Variants in LEMD3 observed in about 807,000 individuals in gnomAD.
LEMD3 encodes inner nuclear membrane protein Man1.
A neutral mutation model predicts 95.2 loss-of-function variants in LEMD3; 33 were observed. That is an observed-to-expected ratio of 0.35 (90% CI 0.26 to 0.46). LEMD3 has a LOEUF of 0.46. LEMD3 is among the 20% of genes least tolerant of loss of function. LEMD3 has a pLI of 1.00. For missense variants in LEMD3, 1,210 were observed against 1,192.8 expected (o/e 1.01, Z -0.21); for synonymous variants, 525 against 474.6 (o/e 1.11, Z -1.38).
chr12:65,171,568 CTG>C (rs1868551844), intron 1 of LEMD3: 2 of 196,934 alleles, frequency 1.0e-5, no homozygotes, highest in African/African-American at 2.3e-5. Flanking sequence ...ATAATATTAA[CTG>C]TATGCATAAA....
intron 4 of LEMD3, among the ~76,000 whole-genome samples, chr12:65,220,840 G>A (rs1870262886): frequency 6.6e-6 from 1 of 152,132 alleles, no homozygotes. Context: ...TTTCTCCATT[G>A]TGTAGTCTGG....
At chr12:65,193,009 G>GT (rs1266827491) in intron 1 of LEMD3, among the ~76,000 whole-genome samples, 10 of 152,054 alleles carry the variant, frequency 6.6e-5, no homozygotes, top group South Asian at 2.1e-4. Flanking sequence ...TTAAATACAT[G>GT]TTTTTTTTGT....
intron 4 of LEMD3, among the ~76,000 whole-genome samples, chr12:65,221,222 C>T (rs1174275352): frequency 2.7e-5 from 4 of 149,088 alleles, no homozygotes; most frequent in Non-Finnish European, 3.0e-5. Flanking sequence ...AAGTCTTTCA[C>T]CTCCCTGGTT....
chr12:65,185,596 A>G (rs1270389897), intron 1 of LEMD3, among the ~76,000 whole-genome samples: 1 of 151,866 alleles, frequency 6.6e-6, no homozygotes, highest in African/African-American at 2.4e-5. Flanking sequence ...GAATCTGAAT[A>G]TCTTGATATA....
At chr12:65,244,974 C>G (rs1407825380) in intron 10 of LEMD3, among the ~76,000 whole-genome samples, 2 of 151,786 alleles carry the variant, frequency 1.3e-5, no homozygotes, top group Admixed American at 6.6e-5. Flanking sequence ...TTAACTTTTA[C>G]AACTTTAATA....
intron 3 of LEMD3, 79 bp downstream of exon 3, chr12:65,216,122 C>A: frequency 1.1e-6 from 1 of 910,958 alleles, no homozygotes; most frequent in Non-Finnish European, 1.8e-6. Context: ...AAATATTTTT[C>A]CAAGTCCAGT....
intron 1 of LEMD3, among the ~76,000 whole-genome samples, chr12:65,176,451 A>G (rs1868722799): frequency 6.6e-6 from 1 of 152,204 alleles, no homozygotes; most frequent in Non-Finnish European, 1.5e-5. Flanking sequence ...ATCTCCAGAT[A>G]TCTCTGACTC....
intron 4 of LEMD3, among the ~76,000 whole-genome samples, chr12:65,232,859 CAATG>C (rs1162388004): frequency 6.6e-6 from 1 of 152,020 alleles, no homozygotes; most frequent in Non-Finnish European, 1.5e-5. Context: ...ACCTTTAACA[CAATG>C]AATATGTTTA....
In LEMD3 at chr12:65,213,509, G is replaced by A. The variant is rs1252180493; in HGVS notation, c.1561-2468G>A. ...CCCAAACTTGGGATTTCAGGTGTGA[G>A]CCACCGCACCCGGCCTTAAATAAAT... On this transcript the variant is annotated intron_variant, in intron 2 of 12. Transcript: ENST00000308330. 2.6e-5 allele frequency among the ~76,000 whole-genome samples: 4 copies of A among 152,272 alleles called. No individual in the cohort carries two copies. The South Asian group carries it at 6.2e-4, about 24-fold the overall frequency.
intron 1 of LEMD3, among the ~76,000 whole-genome samples, chr12:65,194,891 T>TAATTTAGAGTATAATTTA (rs1869379574): frequency 1.4e-5 from 1 of 72,470 alleles, no homozygotes; most frequent in African/African-American, 3.0e-5. Flanking sequence ...ATTTATAAAA[T>TAATTTAGAGTATAATTTA]TAAAATAAAA....
intron 1 of LEMD3, among the ~76,000 whole-genome samples, chr12:65,195,640 C>G (rs1268643714): frequency 6.6e-6 from 1 of 152,122 alleles, no homozygotes; most frequent in Non-Finnish European, 1.5e-5. Flanking sequence ...GGCTTCAATA[C>G]TGTCATTTAC....
At chr12:65,179,075 C>T (rs1488983635) in intron 1 of LEMD3, among the ~76,000 whole-genome samples, 1 of 152,074 alleles carries the variant, frequency 6.6e-6, no homozygotes. Context: ...AACAATAATA[C>T]AATATTAAAA....
chr12:65,224,857 A>G (rs68078950), intron 4 of LEMD3, among the ~76,000 whole-genome samples: 49,333 of 151,618 alleles, frequency 0.33, 8,134 homozygotes, highest in South Asian at 0.39. Flanking sequence ...TCTTTCTGAA[A>G]CTTCCATATT....
At position 65,169,659 on chromosome 12, in the gene LEMD3, C is replaced by G; in HGVS notation, c.63C>G (p.Leu21=). ...CGGATGAGGAGCTTTTCTCTCAGCT[C>G]CGCCGTTACGGCCTGTCTCCCGGAC... ...QLSDEELFSQ[L]RRYGLSPGPV... Residue 21 remains leucine (L), a synonymous_variant, in exon 1 of 13, where the codon CTC becomes CTG. Transcript: ENST00000308330. 1 of 1,585,904 alleles carries G rather than the reference C, an allele frequency of 6.3e-7. No homozygotes were observed. Among genetic ancestry groups the G allele is most frequent in the South Asian group, 1.1e-5 (1 of 87,246 alleles).
intron 2 of LEMD3, among the ~76,000 whole-genome samples, chr12:65,214,669 G>A (rs571883577): frequency 6.5e-4 from 99 of 152,284 alleles, no homozygotes; most frequent in African/African-American, 2.1e-3. Context: ...TACTTTTCCA[G>A]TCTTTTATAT....
intron 1 of LEMD3, among the ~76,000 whole-genome samples, chr12:65,199,245 C>T (rs192762831): frequency 2.6e-5 from 4 of 152,044 alleles, no homozygotes; most frequent in East Asian, 3.9e-4. Flanking sequence ...ATAAAGATAT[C>T]GGAATTCATC....
chr12:65,234,981 T>G (rs977224463), intron 4 of LEMD3, among the ~76,000 whole-genome samples: 3 of 152,182 alleles, frequency 2.0e-5, no homozygotes, highest in Non-Finnish European at 1.5e-5. Context: ...TTGTCCAGTA[T>G]TATATGTAGT....
At chr12:65,179,705 C>T (rs1044038241) in intron 1 of LEMD3, among the ~76,000 whole-genome samples, 2 of 152,114 alleles carry the variant, frequency 1.3e-5, no homozygotes, top group Non-Finnish European at 2.9e-5. Context: ...CAGCAAACTG[C>T]CATGGCACGC....
intron 4 of LEMD3, among the ~76,000 whole-genome samples, chr12:65,231,645 G>C (rs1009312957): frequency 2.6e-5 from 4 of 152,070 alleles, no homozygotes; most frequent in African/African-American, 9.7e-5. Flanking sequence ...CTCCAGCCTG[G>C]ATGACAGAGT....
Sources: allele counts gnomAD v4.1 joint callset (sites outside exome capture counted in the v4.1 genomes callset), GRCh38; gene constraint gnomAD v4.1.1; transcripts MANE v1.5; gene names NCBI Gene and HGNC (gene_info 2026-07-23, HGNC 2026-07-21).